Variants in HSP90AA1 observed in about 807,000 individuals in gnomAD.
HSP90AA1 encodes the protein heat shock protein HSP 90-alpha.
A neutral mutation model predicts 73.3 loss-of-function variants in HSP90AA1; 18 were observed. That is an observed-to-expected ratio of 0.25 (90% confidence interval 0.17 to 0.36). The LOEUF is 0.36. HSP90AA1 is among the 10% of genes least tolerant of loss of function. The probability of loss-of-function intolerance (pLI) is 1.00; values close to 1 mark genes in which losing one functional copy is unlikely to be tolerated. For missense variants in HSP90AA1, 704 were observed against 874.2 expected (o/e 0.81, Z 2.45); for synonymous variants, 477 against 296.9 (o/e 1.61, Z -6.24).
In HSP90AA1 at chr14:102,083,555, A is replaced by T. The variant is rs762899261; in HGVS notation, c.1477T>A (p.Tyr493Asn). The T allele has an allele frequency of 6.2e-7, 1 of 1,613,662 alleles. No homozygotes were observed. The highest frequency in any genetic ancestry group is 2.2e-5 in the East Asian group (1 of 44,878). Residue 493 changes from tyrosine to asparagine, a missense_variant, in exon 8 of 11, where the codon TAT (tyrosine) becomes AAT (asparagine). Physicochemically the swap from Tyr to Asn is moderately radical, Grantham distance 143 (BLOSUM62 -2). Coordinates refer to ENST00000216281, the MANE Select transcript of HSP90AA1 (RefSeq NM_005348.4). ...RMKENQKHIY[Y>N]ITGETKDQVA... Reference sequence around the variant, plus strand: ...CATAGTGTTCTCTTACCTGTGATATAATAGATATGTTTCTGGTTCTCCTTC... The same window carrying T: ...CATAGTGTTCTCTTACCTGTGATATTATAGATATGTTTCTGGTTCTCCTTC...
chr14:102,086,932 C>A (rs1289303269), intron 1 of HSP90AA1, 54 bp downstream of exon 1: 1 of 938,250 alleles, frequency 1.1e-6, no homozygotes, highest in African/African-American at 1.8e-5. Context: ...GCGCCAGCCG[C>A]CCCCAGTCCC....
chr14:102,123,803 G>A lies in HSP90AA1; in HGVS notation c.155+15447C>T, dbSNP rs574067794. Among the ~76,000 whole-genome samples the A allele has an allele frequency of 6.6e-5, 10 of 152,204 alleles. No individual in the cohort carries two copies. The South Asian group carries it at 1.7e-3, about 25-fold the overall frequency. ...CCCTGTGAGATGTATACTAGCAACC[G>A]TGTTTTTTTTAATTGAGACAGGGTC... On this transcript the variant is annotated intron_variant, in intron 1 of 11. Coordinates refer to the HSP90AA1 transcript ENST00000334701.
In HSP90AA1 at chr14:102,085,817, T is replaced by A. The variant is rs1336321764; in HGVS notation, c.470A>T (p.Asp157Val). ...TGAGGACTCCCAAGCGTACTGCTCA[T>A]CATCGTTATGTTTGGTGATCACAGT... is the stretch of plus-strand genomic sequence containing the variant. ...KVTVITKHNDDEQYAWESSAG... is the reference protein window; with the variant it reads ...KVTVITKHNDVEQYAWESSAG... The change falls in exon 3 of 11, where the codon GAT becomes GTT. Residue 157 changes from aspartate (D) to valine (V), a missense_variant. Coordinates refer to ENST00000216281, the MANE Select transcript of HSP90AA1 (RefSeq NM_005348.4). 1 of 1,613,848 alleles carries A rather than the reference T, an allele frequency of 6.2e-7. No homozygotes were observed. Among genetic ancestry groups the A allele is most frequent in the Non-Finnish European group, 8.5e-7 (1 of 1,179,874 alleles).
upstream of HSP90AA1, chr14:102,087,062 C>T (rs2049261901): frequency 2.0e-6 from 2 of 985,438 alleles, no homozygotes; most frequent in Non-Finnish European, 2.4e-6. Context: ...CACCCCCGCG[C>T]CTGCCTTATA....
chr14:102,133,518 T>C (rs932476192), intron 1 of HSP90AA1, among the ~76,000 whole-genome samples: 4 of 146,308 alleles, frequency 2.7e-5, no homozygotes, highest in Non-Finnish European at 6.0e-5. Context: ...AGTTTCACTC[T>C]TGTTGCCCAG....
At position 102,084,851 on chromosome 14, in the gene HSP90AA1, C is replaced by T. The variant is rs1410478860; in HGVS notation, c.811G>A (p.Asp271Asn). The T allele has an allele frequency of 6.3e-6, 10 of 1,588,550 alleles. No homozygotes were observed. Among genetic ancestry groups the T allele is most frequent in the Non-Finnish European group, 8.6e-6 (10 of 1,157,022 alleles). The change falls in exon 5 of 11, where the codon GAT (aspartate) becomes AAT (asparagine). Residue 271 changes from aspartate to asparagine, a missense_variant. Transcript: ENST00000216281. Reference protein sequence around the residue: ...VGSDEEEEKKDGDKKKKKKIK... With the variant: ...VGSDEEEEKKNGDKKKKKKIK... ...TTCTTCTTCTTCTTCTTGTCACCAT[C>T]CTTCTTTTCTTCTTCCTCATCAGAA... is the stretch of plus-strand genomic sequence containing the variant.
upstream of HSP90AA1, chr14:102,087,110 G>A: frequency 2.0e-6 from 2 of 984,278 alleles, no homozygotes; most frequent in African/African-American, 1.8e-5. Context: ...GCTTTTTCCA[G>A]AAGCCTCCCG....
chr14:102,093,024 C>T (rs1252294045), intron 2 of HSP90AA1, among the ~76,000 whole-genome samples: 1 of 151,970 alleles, frequency 6.6e-6, no homozygotes, highest in Non-Finnish European at 1.5e-5. Context: ...GGGTTACGGG[C>T]GTGAACCACC....
chr14:102,116,709 G>A (rs1046433426), intron 1 of HSP90AA1, among the ~76,000 whole-genome samples: 34 of 152,198 alleles, frequency 2.2e-4, no homozygotes, highest in African/African-American at 5.8e-4. Flanking sequence ...GCAGGAGCCA[G>A]GGACAAGCTG....
At chr14:102,135,248 T>C (rs1007177222) in intron 1 of HSP90AA1, among the ~76,000 whole-genome samples, 3 of 151,696 alleles carry the variant, frequency 2.0e-5, no homozygotes, top group African/African-American at 7.3e-5. Context: ...AACCTTGAGC[T>C]AAACACAGGG....
At chr14:102,123,602 C>G (rs1242304731) in intron 1 of HSP90AA1, among the ~76,000 whole-genome samples, 1 of 151,592 alleles carries the variant, frequency 6.6e-6, no homozygotes, top group Admixed American at 6.6e-5. Context: ...TCTCAAACTC[C>G]TAGCCTCAAG....
At chr14:102,082,922 C>T in intron 9 of HSP90AA1, 112 bp downstream of exon 9, 1 of 1,162,914 alleles carries the variant, frequency 8.6e-7, no homozygotes, top group Admixed American at 1.7e-5. Flanking sequence ...CCCAGCCACA[C>T]ACAACATAGT....
At chr14:102,134,216 C>CA (rs2049948787) in intron 1 of HSP90AA1, among the ~76,000 whole-genome samples, 1 of 147,870 alleles carries the variant, frequency 6.8e-6, no homozygotes. Context: ...CACATGCCTG[C>CA]AGTCCCAGCT....
exon 1 of HSP90AA1, chr14:102,139,660 C>T (rs2050212804): frequency 1.5e-6 from 1 of 648,066 alleles, no homozygotes; most frequent in Non-Finnish European, 2.6e-6. Flanking sequence ...ACCTGGGAAG[C>T]AGCCATGCCG....
intron 1 of HSP90AA1, among the ~76,000 whole-genome samples, chr14:102,102,704 G>A (rs956638104): frequency 1.3e-5 from 2 of 152,174 alleles, no homozygotes; most frequent in African/African-American, 2.4e-5. Context: ...TTATTCTAGA[G>A]ACTAACTTTA....
intron 9 of HSP90AA1, 182 bp from the exon 10 acceptor site, chr14:102,082,626 CA>C: frequency 2.7e-5 from 17 of 625,882 alleles, no homozygotes; most frequent in Non-Finnish European, 4.5e-5. Flanking sequence ...TTTACATGCA[CA>C]ATTTTTTTTT....
At chr14:102,096,451 C>T (rs2049425761) in intron 2 of HSP90AA1, among the ~76,000 whole-genome samples, 2 of 152,156 alleles carry the variant, frequency 1.3e-5, no homozygotes, top group African/African-American at 4.8e-5. Flanking sequence ...TACGGTCTGC[C>T]CCCGATCATC....
chr14:102,105,014 T>C (rs958782409), intron 1 of HSP90AA1, among the ~76,000 whole-genome samples: 6 of 139,768 alleles, frequency 4.3e-5, no homozygotes, highest in South Asian at 2.3e-4. Flanking sequence ...CTGCCTAACA[T>C]GGTGAAACCT....
chr14:102,130,817 C>A (rs1209035492), intron 1 of HSP90AA1, among the ~76,000 whole-genome samples: 1 of 152,124 alleles, frequency 6.6e-6, no homozygotes, highest in Admixed American at 6.6e-5. Flanking sequence ...GTAGCCTCAA[C>A]CTCCTGGGCT....
Sources: gnomAD v4.1 joint callset for allele counts (sites outside exome capture counted in the v4.1 genomes callset) on GRCh38, gnomAD v4.1.1 for gene constraint, MANE v1.5 for transcripts, NCBI Gene and HGNC (gene_info 2026-07-23, HGNC 2026-07-21) for gene names.